BABAM2: variants seen among roughly 807,000 people sequenced by gnomAD.
The protein encoded by BABAM2 is BRISC and BRCA1 A complex member 2, also known as BRISC and BRCA1-A complex member 2.
Under a neutral mutation model 54.7 loss-of-function variants are expected in BABAM2, and 31 were observed. That is an observed-to-expected ratio of 0.57 (90% CI 0.43 to 0.77). The LOEUF is 0.77. Among genes scored for constraint, BABAM2 ranks in the 30% least tolerant of loss-of-function variants. The pLI is 0.00. For missense variants in BABAM2, 364 were observed against 455.8 expected, an observed-to-expected ratio of 0.80 and a Z score of 1.83; for synonymous variants, 167 against 162.9, an observed-to-expected ratio of 1.03 and a Z score of -0.19.
intron 4 of BABAM2, among the ~76,000 whole-genome samples, chr2:28,010,891 T>C (rs1486071954): frequency 6.6e-6 from 1 of 152,198 alleles, no homozygotes; most frequent in Non-Finnish European, 1.5e-5. Context: ...ATTCAGACTT[T>C]ATATTCTCCT....
intron 6 of BABAM2, among the ~76,000 whole-genome samples, chr2:28,070,709 T>A (rs572488536): frequency 6.6e-6 from 1 of 152,262 alleles, no homozygotes; most frequent in African/African-American, 2.4e-5. Context: ...TCTTAACTTG[T>A]CAACAAGTTG....
chr2:28,251,094 A>G lies in BABAM2; in HGVS notation c.934+6232A>G, dbSNP rs1316994753. 2.6e-5 allele frequency among the ~76,000 whole-genome samples: 4 copies of G among 152,198 alleles called. No individual in the cohort carries two copies. In the East Asian group the frequency reaches 7.7e-4, roughly 29 times the overall value. On this transcript the variant is annotated intron_variant, in intron 10 of 11. Coordinates refer to ENST00000379624, the MANE Select transcript of BABAM2 (RefSeq NM_199191.3). ...ACTCTGATGTTTTTCTTTATTTTAA[A>G]TGACTAATGTTCACACAGATGTCTT...
At chr2:28,295,954 A>G (rs908936901) in intron 10 of BABAM2, among the ~76,000 whole-genome samples, 1 of 152,146 alleles carries the variant, frequency 6.6e-6, no homozygotes, top group Admixed American at 6.5e-5. Context: ...CTAAAAATAT[A>G]AAAAATTAGC....
At chr2:27,973,658 C>A (rs1333033188) in intron 3 of BABAM2, among the ~76,000 whole-genome samples, 1 of 152,156 alleles carries the variant, frequency 6.6e-6, no homozygotes, top group Non-Finnish European at 1.5e-5. Flanking sequence ...GGGGAAATCA[C>A]AGAGAAGAGG....
At chr2:27,931,397 G>A (rs1334295440) in intron 3 of BABAM2, among the ~76,000 whole-genome samples, 1 of 151,952 alleles carries the variant, frequency 6.6e-6, no homozygotes, top group Admixed American at 6.6e-5. Flanking sequence ...AGCTCTCTGG[G>A]GATGATCTCC....
At chr2:28,248,654 C>T (rs545958046) in intron 10 of BABAM2, among the ~76,000 whole-genome samples, 102 of 152,284 alleles carry the variant, frequency 6.7e-4, no homozygotes, top group Non-Finnish European at 1.3e-3. Context: ...CACAAGGAGG[C>T]AGCTGTCTAC....
At chr2:28,287,324 A>G (rs1686908816) in intron 10 of BABAM2, among the ~76,000 whole-genome samples, 1 of 152,188 alleles carries the variant, frequency 6.6e-6, no homozygotes, top group African/African-American at 2.4e-5. Flanking sequence ...CCAGGAGTTT[A>G]TTTATTGTGA....
intron 2 of BABAM2, among the ~76,000 whole-genome samples, chr2:27,903,600 T>A (rs533592181): frequency 6.6e-6 from 1 of 152,256 alleles, no homozygotes; most frequent in Admixed American, 6.5e-5. Context: ...GGGGATATGT[T>A]CCAAGACCTC....
At chr2:28,272,308 ATG>A (rs1685486354) in intron 10 of BABAM2, among the ~76,000 whole-genome samples, 1 of 152,228 alleles carries the variant, frequency 6.6e-6, no homozygotes, top group South Asian at 2.1e-4. Flanking sequence ...AGGTTTAGAA[ATG>A]TGGTTGCTGG....
chr2:28,058,675 G>A (rs1678622093), intron 6 of BABAM2, among the ~76,000 whole-genome samples: 1 of 151,998 alleles, frequency 6.6e-6, no homozygotes, highest in African/African-American at 2.4e-5. Context: ...GAACCTTCTA[G>A]CCGGTGCTAC....
intron 5 of BABAM2, among the ~76,000 whole-genome samples, chr2:28,039,198 T>C (rs1676886158): frequency 6.6e-6 from 1 of 152,212 alleles, no homozygotes; most frequent in Non-Finnish European, 1.5e-5. Context: ...TGAATACACC[T>C]TGAGTCTTGA....
intron 6 of BABAM2, among the ~76,000 whole-genome samples, chr2:28,080,633 G>C (rs1383813736): frequency 2.0e-5 from 3 of 152,176 alleles, no homozygotes; most frequent in Non-Finnish European, 4.4e-5. Flanking sequence ...ATCTGTGCCT[G>C]TGTTCTGTAG....
intron 6 of BABAM2, among the ~76,000 whole-genome samples, chr2:28,107,977 A>T (rs552933344): frequency 3.2e-4 from 48 of 152,354 alleles, no homozygotes; most frequent in African/African-American, 1.1e-3. Flanking sequence ...CATGCTGCAT[A>T]GGCAGTAGTG....
intron 3 of BABAM2, among the ~76,000 whole-genome samples, chr2:27,974,922 C>A (rs1416153724): frequency 6.6e-6 from 1 of 151,932 alleles, no homozygotes; most frequent in Non-Finnish European, 1.5e-5. Context: ...GAAAATCAAT[C>A]CTATTTCTTT....
At chr2:28,096,685 G>A (rs578220618) in intron 6 of BABAM2, among the ~76,000 whole-genome samples, 1 of 152,096 alleles carries the variant, frequency 6.6e-6, no homozygotes, top group East Asian at 1.9e-4. Flanking sequence ...CATACTATTA[G>A]CTGTTTAAAT....
At chr2:28,259,905 C>CT (rs35967320) in intron 10 of BABAM2, among the ~76,000 whole-genome samples, 95,959 of 146,470 alleles carry the variant, frequency 0.66, 33,564 homozygotes, top group East Asian at 0.99. Context: ...CTTCTGAATT[C>CT]TTTTTTTTTT....
chr2:28,256,915 G>A (rs896976956), intron 10 of BABAM2, among the ~76,000 whole-genome samples: 3 of 151,906 alleles, frequency 2.0e-5, no homozygotes, highest in Non-Finnish European at 4.4e-5. Flanking sequence ...GGCTGGTCTC[G>A]AAATCCTGAC....
chr2:28,336,973 G>A (rs972562235), intron 11 of BABAM2, among the ~76,000 whole-genome samples: 1 of 152,204 alleles, frequency 6.6e-6, no homozygotes, highest in African/African-American at 2.4e-5. Flanking sequence ...CCTGGGAGCT[G>A]GCAGCTGGTA....
At chr2:28,197,843 A>G (rs529137822) in intron 7 of BABAM2, among the ~76,000 whole-genome samples, 1 of 152,338 alleles carries the variant, frequency 6.6e-6, no homozygotes, top group East Asian at 1.9e-4. Context: ...TTTAAGCAAG[A>G]TCCAGAAGAG....
Sources: gnomAD v4.1 joint callset for allele counts (sites outside exome capture counted in the v4.1 genomes callset) on GRCh38, gnomAD v4.1.1 for gene constraint, MANE v1.5 for transcripts, NCBI Gene and HGNC (gene_info 2026-07-23, HGNC 2026-07-21) for gene names.